The following CEP170 variants were observed in gnomAD, a reference collection of about 807,000 sequenced individuals.
The protein encoded by CEP170 is centrosomal protein of 170 kDa.
Under a neutral mutation model 151.9 loss-of-function variants are expected in CEP170, and 21 were observed. The observed-to-expected ratio is 0.14, with a 90% CI of 0.10 to 0.20. CEP170 has a LOEUF of 0.20. Among genes scored for constraint, CEP170 ranks in the 10% least tolerant of loss-of-function variants. The pLI, the probability that CEP170 is intolerant of heterozygous loss-of-function variation, is 1.00. For missense variants in CEP170, 964 were observed against 1,892.9 expected, an observed-to-expected ratio of 0.51 and a Z score of 9.11; for synonymous variants, 356 against 648.8, an observed-to-expected ratio of 0.55 and a Z score of 6.86.
At chr1:243,221,111 G>T (rs941035931) in intron 3 of CEP170, among the ~76,000 whole-genome samples, 1 of 152,016 alleles carries the variant, frequency 6.6e-6, no homozygotes, top group Non-Finnish European at 1.5e-5. Context: ...AACAAGCTCC[G>T]CCTCCCGGGT....
At chr1:243,174,105 C>T (rs2059063149) in intron 10 of CEP170, among the ~76,000 whole-genome samples, 1 of 152,184 alleles carries the variant, frequency 6.6e-6, no homozygotes, top group African/African-American at 2.4e-5. Context: ...TGTCAATGTC[C>T]AACACTTCTG....
At chr1:243,255,783 A>G (rs912889236), upstream of CEP170, among the ~76,000 whole-genome samples, 6 of 152,148 alleles carry the variant, frequency 3.9e-5, no homozygotes, top group Admixed American at 2.6e-4. Flanking sequence ...GCAGCTGAAG[A>G]GTGGGATGGA....
chr1:243,169,199 A>T (rs1054250725), intron 12 of CEP170: 1 of 152,976 alleles, frequency 6.5e-6, no homozygotes, highest in African/African-American at 2.4e-5. Flanking sequence ...GACAAAATTT[A>T]AAAACCATTC....
At chr1:243,155,841 T>G (rs1317562739) in intron 14 of CEP170, among the ~76,000 whole-genome samples, 3 of 152,264 alleles carry the variant, frequency 2.0e-5, no homozygotes, top group Non-Finnish European at 4.4e-5. Flanking sequence ...CTAAAAGGTA[T>G]ACTATTACAT....
intron 6 of CEP170, among the ~76,000 whole-genome samples, chr1:243,200,137 C>G (rs1361853519): frequency 1.3e-5 from 2 of 151,800 alleles, no homozygotes; most frequent in South Asian, 2.1e-4. Flanking sequence ...TATAAGTGAT[C>G]TAGAGATGAT....
intron 13 of CEP170, among the ~76,000 whole-genome samples, chr1:243,162,847 T>C (rs1053554403): frequency 1.4e-4 from 21 of 152,212 alleles, no homozygotes; most frequent in African/African-American, 4.8e-4. Flanking sequence ...AGTAGAGCCA[T>C]AACCAAAAAC....
chr1:243,172,874 A>G (rs775472774), intron 10 of CEP170, 28 bp from the exon 11 acceptor site: 1 of 1,519,028 alleles, frequency 6.6e-7, no homozygotes, highest in Non-Finnish European at 8.8e-7. Context: ...TTTATAAATG[A>G]AAACGAAAAG....
At chr1:243,158,766 T>C (rs182881526) in intron 13 of CEP170, among the ~76,000 whole-genome samples, 1 of 152,192 alleles carries the variant, frequency 6.6e-6, no homozygotes, top group African/African-American at 2.4e-5. Context: ...TAATAATATC[T>C]TTTAAAAGCA....
At chr1:243,159,803 T>TGTGTGTGTGTG (rs1558452605) in intron 13 of CEP170, among the ~76,000 whole-genome samples, 2 of 51,764 alleles carry the variant, frequency 3.9e-5, no homozygotes, top group African/African-American at 1.9e-4. Flanking sequence ...GTGTGTGTGT[T>TGTGTGTGTGTG]TTTGAGATGG....
intron 2 of CEP170, among the ~76,000 whole-genome samples, chr1:243,224,533 C>T (rs1434331141): frequency 1.3e-5 from 2 of 151,998 alleles, no homozygotes; most frequent in Admixed American, 1.3e-4. Context: ...CATTCAAAGC[C>T]GTCCTGGGCC....
At chr1:243,183,751 T>G (rs1208576466) in intron 10 of CEP170, among the ~76,000 whole-genome samples, 1 of 152,164 alleles carries the variant, frequency 6.6e-6, no homozygotes, top group African/African-American at 2.4e-5. Context: ...ATGTACACAG[T>G]CACACACTAC....
chr1:243,135,798 A>T (rs2054992946), intron 17 of CEP170: 2 of 157,758 alleles, frequency 1.3e-5, no homozygotes, highest in Non-Finnish European at 2.8e-5. Flanking sequence ...AAAATATATT[A>T]TTTCAATATA....
At position 243,146,284 on chromosome 1, in the gene CEP170, T is replaced by C. The variant is rs151086810; in HGVS notation, c.3912-3821A>G. ...TAAAAAAGTATGATTTATAATAGGA[T>C]GCACCAGGGAGACTTTTAATCTGAA... On this transcript the variant is annotated intron_variant, in intron 14 of 19. Transcript: ENST00000366542. Among the ~76,000 whole-genome samples the C allele has an allele frequency of 6.7e-3, 1,017 of 152,310 alleles. 13 individuals are homozygous for C. The highest frequency in any genetic ancestry group is 0.023 in the African/African-American group (965 of 41,564).
At chr1:243,176,771 G>T (rs2059281914) in intron 10 of CEP170, 1 of 372,550 alleles carries the variant, frequency 2.7e-6, no homozygotes, top group Admixed American at 3.5e-5. Flanking sequence ...TGCTTTTGAG[G>T]AGGTTACGTC....
At chr1:243,144,125 C>T (rs1381060720) in intron 14 of CEP170, among the ~76,000 whole-genome samples, 1 of 152,186 alleles carries the variant, frequency 6.6e-6, no homozygotes, top group East Asian at 1.9e-4. Flanking sequence ...CTAAAGACTA[C>T]AGCAATGAAG....
intron 3 of CEP170, among the ~76,000 whole-genome samples, chr1:243,214,280 GTTTTTT>G (rs758433258): frequency 2.0e-5 from 2 of 100,546 alleles, no homozygotes; most frequent in Non-Finnish European, 3.9e-5. Context: ...AAGCTGTAAA[GTTTTTT>G]TTTTTTTTTT....
At chr1:243,199,812 C>T (rs1198544668) in intron 6 of CEP170, among the ~76,000 whole-genome samples, 7 of 151,718 alleles carry the variant, frequency 4.6e-5, no homozygotes, top group African/African-American at 7.3e-5. Context: ...CATTTTATAA[C>T]GTGCCTAGAA....
chr1:243,238,902 T>C (rs2064518140), intron 1 of CEP170, among the ~76,000 whole-genome samples: 1 of 152,228 alleles, frequency 6.6e-6, no homozygotes, highest in South Asian at 2.1e-4. Context: ...TCTTGCCTTC[T>C]ACAAGTATCA....
intron 1 of CEP170, among the ~76,000 whole-genome samples, chr1:243,226,063 A>ATTTATATCTATATCTAGATATATT (rs201542277): frequency 7.2e-6 from 1 of 138,148 alleles, no homozygotes; most frequent in Non-Finnish European, 1.5e-5. Context: ...ATCTAGATAT[A>ATTTATATCTATATCTAGATATATT]TATATCTATA....
Sources: allele counts gnomAD v4.1 joint callset (sites outside exome capture counted in the v4.1 genomes callset), GRCh38; gene constraint gnomAD v4.1.1; transcripts MANE v1.5; gene names NCBI Gene and HGNC (gene_info 2026-07-23, HGNC 2026-07-21).